The following MARCHF4 variants were observed in gnomAD, a reference collection of about 807,000 sequenced individuals.
The protein encoded by MARCHF4 is membrane associated ring-CH-type finger 4.
MARCHF4 carries 14 observed loss-of-function variants against 43.9 expected under a neutral mutation model. The observed-to-expected ratio is 0.32, with a 90% CI of 0.21 to 0.50. MARCHF4 has a LOEUF of 0.50. Among genes scored for constraint, MARCHF4 ranks in the 20% least tolerant of loss-of-function variants. The pLI is 0.98. For missense variants in MARCHF4, 468 were observed against 536.7 expected (o/e 0.87, Z 1.27); for synonymous variants, 226 against 213.3 (o/e 1.06, Z -0.52).
chr2:216,285,052 G>A (rs372167077), intron 1 of MARCHF4, among the ~76,000 whole-genome samples: 5 of 152,138 alleles, frequency 3.3e-5, no homozygotes, highest in African/African-American at 9.7e-5. Flanking sequence ...CCCACGAGAG[G>A]AGCCCCAGAA....
intron 1 of MARCHF4, among the ~76,000 whole-genome samples, chr2:216,365,217 A>G (rs1221671095): frequency 1.3e-5 from 2 of 152,250 alleles, no homozygotes; most frequent in Admixed American, 6.5e-5. Flanking sequence ...TATCTTATTC[A>G]CAACTAACCA....
intron 3 of MARCHF4, among the ~76,000 whole-genome samples, chr2:216,270,565 C>G (rs893028407): frequency 2.0e-5 from 3 of 152,152 alleles, no homozygotes; most frequent in African/African-American, 7.2e-5. Flanking sequence ...CCTTCTCCTC[C>G]TTGTATTCCA....
chr2:216,273,613 T>G (rs1442716950), intron 3 of MARCHF4, among the ~76,000 whole-genome samples: 1 of 152,188 alleles, frequency 6.6e-6, no homozygotes, highest in African/African-American at 2.4e-5. Context: ...CCCATTCACA[T>G]TCTCTTCTTC....
chr2:216,370,155 C>T lies in MARCHF4; in HGVS notation c.106G>A (p.Gly36Ser), dbSNP rs1224104412. ...ATGCGGCAGCGGCACTTGAGGAGAC[C>T]CTGGTGGCGCAACATCTGGGGGGCT... is the stretch of plus-strand genomic sequence containing the variant. ...APAPQMLRHQGLLKCRCRMLF... is the reference protein window; with the variant it reads ...APAPQMLRHQSLLKCRCRMLF... The change falls in exon 1 of 4, where the codon GGT becomes AGT. Residue 36 changes from glycine to serine, a missense_variant. By Grantham distance (56) the Gly-to-Ser change is moderately conservative. Coordinates refer to ENST00000273067, the MANE Select transcript of MARCHF4 (RefSeq NM_020814.3). 3 of 1,610,150 alleles carry T rather than the reference C, an allele frequency of 1.9e-6. No homozygotes were observed. The East Asian group carries it at 6.7e-5, about 36-fold the overall frequency.
chr2:216,264,194 A>T (rs1223234514), intron 3 of MARCHF4, among the ~76,000 whole-genome samples: 1 of 152,142 alleles, frequency 6.6e-6, no homozygotes, highest in African/African-American at 2.4e-5. Context: ...GGTTCATCGA[A>T]AAAGAGGTAG....
chr2:216,350,906 C>T (rs1294001236), intron 1 of MARCHF4, among the ~76,000 whole-genome samples: 2 of 152,154 alleles, frequency 1.3e-5, no homozygotes, highest in African/African-American at 4.8e-5. Context: ...TGAAAAATAG[C>T]TGCTAAATTT....
At chr2:216,294,383 T>C (rs775315729) in intron 1 of MARCHF4, among the ~76,000 whole-genome samples, 10 of 152,262 alleles carry the variant, frequency 6.6e-5, no homozygotes, top group Non-Finnish European at 1.3e-4. Flanking sequence ...ATATTCAGTG[T>C]ATTCAGGGGA....
At chr2:216,357,384 A>G (rs1036993550) in intron 1 of MARCHF4, among the ~76,000 whole-genome samples, 1 of 152,168 alleles carries the variant, frequency 6.6e-6, no homozygotes, top group African/African-American at 2.4e-5. Context: ...GTGCAGTAGT[A>G]CATCATGGCT....
At chr2:216,285,405 C>T (rs187881415) in intron 1 of MARCHF4, among the ~76,000 whole-genome samples, 1 of 152,310 alleles carries the variant, frequency 6.6e-6, no homozygotes, top group Admixed American at 6.5e-5. Context: ...GGCTCCAGGC[C>T]CTTCCCATAC....
intron 1 of MARCHF4, among the ~76,000 whole-genome samples, chr2:216,354,980 TTTC>T (rs1378848067): frequency 1.5e-5 from 2 of 135,810 alleles, no homozygotes; most frequent in East Asian, 2.2e-4. Context: ...TCTTTCTTTC[TTTC>T]TTTTTTGAGA....
Position 216,259,200 on chromosome 2 carries a change from G to C in MARCHF4, c.*112C>G. 1.4e-6 allele frequency: 2 copies of C among 1,463,524 alleles called. No individual in the cohort carries two copies. The highest frequency in any genetic ancestry group is 1.8e-6 in the Non-Finnish European group (2 of 1,106,876). 90.7% of individuals were successfully genotyped at this position (1,463,524 alleles called of 1,614,324 possible). On this transcript the variant is annotated 3_prime_UTR_variant, in exon 4 of 4. Coordinates refer to ENST00000273067, the MANE Select transcript of MARCHF4 (RefSeq NM_020814.3). ...GACACTACCCCAGGGCTCCCGCCAG[G>C]TCCCCCACCCTCTGCCTGCTCCCTC...
intron 1 of MARCHF4, among the ~76,000 whole-genome samples, chr2:216,364,217 G>C (rs941467177): frequency 6.6e-6 from 1 of 151,960 alleles, no homozygotes; most frequent in African/African-American, 2.4e-5. Flanking sequence ...TTTCCTAAAT[G>C]TTCTCTTTTC....
intron 1 of MARCHF4, among the ~76,000 whole-genome samples, chr2:216,300,337 G>GATATATATATATGTATATATAT (rs1559093158): frequency 8.1e-6 from 1 of 124,180 alleles, no homozygotes; most frequent in Non-Finnish European, 1.6e-5. Flanking sequence ...TGTCCATCTC[G>GATATATATATATGTATATATAT]ATATATATAT....
At position 216,369,986 on chromosome 2, in the gene MARCHF4, C is replaced by T. The variant is rs1307192140; in HGVS notation, c.275G>A (p.Gly92Asp). The change falls in exon 1 of 4, where the codon GGC (glycine) becomes GAC (aspartate). Residue 92 changes from glycine to aspartate, a missense_variant. By Grantham distance (94) the Gly-to-Asp change is moderately conservative. Transcript: ENST00000273067. ...LGAGGWAGWR[G>D]PREVVGREPP... Reference sequence around the variant, plus strand: ...CTCCCTGCCCACCACTTCTCGGGGGCCCCTCCAGCCTGCCCACCCCCCGGC... The same window carrying T: ...CTCCCTGCCCACCACTTCTCGGGGGTCCCTCCAGCCTGCCCACCCCCCGGC... 1.3e-6 allele frequency: 2 copies of T among 1,545,334 alleles called. No homozygotes were observed. Among genetic ancestry groups the T allele is most frequent in the Non-Finnish European group, 1.8e-6 (2 of 1,141,508 alleles).
At position 216,291,925 on chromosome 2, in the gene MARCHF4, A is replaced by C. The variant is rs555055498; in HGVS notation, c.517-8196T>G. The stretch of plus-strand genomic sequence containing the variant: ...CCGTCTGTCCACCAAATTTACCCAC[A>C]TCCTCTCTGCCCATTGCAGTGACTC... On this transcript the variant is annotated intron_variant, in intron 1 of 3. Transcript: ENST00000273067. Among the ~76,000 whole-genome samples the C allele has an allele frequency of 3.3e-5, 5 of 152,264 alleles. No individual in the cohort carries two copies. In the South Asian group the frequency reaches 8.3e-4, roughly 25 times the overall value.
intron 1 of MARCHF4, among the ~76,000 whole-genome samples, chr2:216,343,069 GA>G (rs921298537): frequency 2.6e-5 from 4 of 152,184 alleles, no homozygotes; most frequent in Non-Finnish European, 5.9e-5. Context: ...GGTGGAAAGT[GA>G]AGGCTTAAAT....
At chr2:216,316,365 C>T (rs1691776375) in intron 1 of MARCHF4, among the ~76,000 whole-genome samples, 1 of 152,050 alleles carries the variant, frequency 6.6e-6, no homozygotes, top group Non-Finnish European at 1.5e-5. Context: ...AAACGGAGGC[C>T]CTATCTTCCT....
chr2:216,283,522 T>C (rs1691165818), intron 2 of MARCHF4, 52 bp downstream of exon 2: 1 of 1,524,368 alleles, frequency 6.6e-7, no homozygotes, highest in Admixed American at 1.8e-5. Context: ...CTAAAGCAGG[T>C]GGTGTGGAAG....
At chr2:216,356,424 T>G (rs1692504397) in intron 1 of MARCHF4, among the ~76,000 whole-genome samples, 1 of 152,246 alleles carries the variant, frequency 6.6e-6, no homozygotes, top group Admixed American at 6.5e-5. Context: ...GCCCATTTCA[T>G]GCACGGTGCT....
Sources: allele counts gnomAD v4.1 joint callset (sites outside exome capture counted in the v4.1 genomes callset), GRCh38; gene constraint gnomAD v4.1.1; transcripts MANE v1.5; gene names NCBI Gene and HGNC (gene_info 2026-07-23, HGNC 2026-07-21).